The following ERCC1 variants were observed in gnomAD, a reference collection of about 807,000 sequenced individuals.
The protein encoded by ERCC1 is ERCC excision repair 1, endonuclease non-catalytic subunit, also known as DNA excision repair protein ERCC-1.
Under a neutral mutation model 37.6 loss-of-function variants are expected in ERCC1, and 36 were observed. That is an observed-to-expected ratio of 0.96 (90% CI 0.73 to 1.26). ERCC1 has a LOEUF of 1.26. Ranked by LOEUF, ERCC1 falls within the 50% of genes most tolerant of loss-of-function variation. The pLI, the probability that ERCC1 is intolerant of heterozygous loss-of-function variation, is 0.00. For missense variants in ERCC1, 349 were observed against 376.5 expected (o/e 0.93, Z 0.60); for synonymous variants, 156 against 162.1 (o/e 0.96, Z 0.28).
chr19:45,440,281 C>T lies in ERCC1; in HGVS notation c.-7-16900G>A, dbSNP rs980034109. On this transcript the variant is annotated intron_variant, in intron 1 of 8. Transcript: ENST00000423698. ...CCCCCACTGGTACTCATCCGCATCC[C>T]CCAGCCTGTCCTACTCCTGTCCCTA... Among the ~76,000 whole-genome samples, 8 of 152,002 alleles carry T rather than the reference C, an allele frequency of 5.3e-5. No homozygotes were observed. The South Asian group carries it at 1.5e-3, about 28-fold the overall frequency.
At chr19:45,438,219 AT>A (rs907528831) in intron 1 of ERCC1, among the ~76,000 whole-genome samples, 3 of 151,536 alleles carry the variant, frequency 2.0e-5, no homozygotes, top group African/African-American at 7.3e-5. Context: ...CTCTCATCTG[AT>A]TTTTTTTATT....
chr19:45,433,565 G>A (rs1317465368), intron 1 of ERCC1, among the ~76,000 whole-genome samples: 1 of 151,858 alleles, frequency 6.6e-6, no homozygotes, highest in South Asian at 2.1e-4. Flanking sequence ...GTGCACGGAT[G>A]TAATCCCAGC....
chr19:45,430,817 C>T (rs1327736802), intron 1 of ERCC1, among the ~76,000 whole-genome samples: 1 of 151,568 alleles, frequency 6.6e-6, no homozygotes, highest in Non-Finnish European at 1.5e-5. Flanking sequence ...CTTGGGAGGC[C>T]GAGGTGGGAG....
intron 1 of ERCC1, 57 bp from the exon 2 acceptor site, chr19:45,423,438 C>A: frequency 1.3e-6 from 2 of 1,548,170 alleles, no homozygotes; most frequent in South Asian, 2.4e-5. Flanking sequence ...TCTCATCCCG[C>A]AGCAGGAACC....
chr19:45,409,889 A>ATTGTTTTT (rs1184782156), intron 9 of ERCC1, 164 bp from the exon 10 acceptor site: 1 of 237,318 alleles, frequency 4.2e-6, no homozygotes, highest in African/African-American at 4.3e-5. Context: ...TATTATTATT[A>ATTGTTTTT]TTATTATTTT....
intron 1 of ERCC1, among the ~76,000 whole-genome samples, chr19:45,435,252 C>T (rs971114628): frequency 2.0e-5 from 3 of 152,048 alleles, no homozygotes; most frequent in African/African-American, 7.2e-5. Flanking sequence ...CAGGACTATG[C>T]CGCACAGTAA....
rs1325824914 is a variant in ERCC1 at position 45,420,176 on chromosome 19, G to A, written c.425+148C>T. The A allele has an allele frequency of 1.5e-6, 1 of 681,248 alleles. No individual in the cohort carries two copies. Among genetic ancestry groups the A allele is most frequent in the Non-Finnish European group, 2.7e-6 (1 of 372,744 alleles). The allele number at this position is 681,248 out of a possible 1,614,324, so 42.2% of individuals were successfully genotyped here. A position where few individuals can be genotyped will look rare whatever the true frequency, so the allele number is the denominator to read the frequency against. ...GGGCACCTCCAGGCCAAGACCCCCT[G>A]CCTCCAACACAGGGTCCCACCAAGG... On this transcript the variant is annotated intron_variant, in intron 4 of 9. Transcript: ENST00000300853. The surrounding 1 kb of genome is among the most constrained non-coding windows in gnomAD (Gnocchi z 4.8).
chr19:45,434,155 CAAAAAA>C (rs138387403), intron 1 of ERCC1, among the ~76,000 whole-genome samples: 13 of 97,434 alleles, frequency 1.3e-4, no homozygotes, highest in East Asian at 2.4e-4. Context: ...CACACACACA[CAAAAAA>C]AAAAAAAAAA....
At chr19:45,437,610 C>CA (rs1247643786) in intron 1 of ERCC1, among the ~76,000 whole-genome samples, 36 of 152,150 alleles carry the variant, frequency 2.4e-4, no homozygotes, top group Admixed American at 1.9e-3. Flanking sequence ...CACAGAAAGA[C>CA]AAACACCACA....
rs1004869770 is a variant in ERCC1 at position 45,409,712 on chromosome 19, A to G, written c.857T>C (p.Phe286Ser). 1.4e-5 allele frequency: 12 copies of G among 877,840 alleles called. No individual in the cohort carries two copies. The highest frequency in any genetic ancestry group is 2.2e-5 in the Non-Finnish European group (11 of 507,988). The allele number at this position is 877,840 out of a possible 1,614,324, so 54.4% of individuals were successfully genotyped here. The part of the protein sequence containing the change: ...GLGPQKARRL[F>S]DVLHEPFLKV... Reference sequence around the variant, plus strand: ...CAAGAAGGGCTCGTGCAGGACATCAAACAGCCTCCGGGCCTGGATGGGAGG... The same window carrying G: ...CAAGAAGGGCTCGTGCAGGACATCAGACAGCCTCCGGGCCTGGATGGGAGG... Residue 286 changes from phenylalanine to serine, a missense_variant, in exon 10 of 10, where the codon TTT becomes TCT. Phe to Ser is a radical substitution (Grantham distance 155). Coordinates refer to ENST00000300853, the MANE Select transcript of ERCC1 (RefSeq NM_001983.4).
At chr19:45,433,461 G>A (rs1194403060) in intron 1 of ERCC1, among the ~76,000 whole-genome samples, 1 of 152,162 alleles carries the variant, frequency 6.6e-6, no homozygotes. Context: ...GGGAGGTGGA[G>A]GTTGCAGTGA....
intron 1 of ERCC1, among the ~76,000 whole-genome samples, chr19:45,440,544 G>C (rs1311238096): frequency 6.6e-6 from 1 of 152,134 alleles, no homozygotes; most frequent in Non-Finnish European, 1.5e-5. Flanking sequence ...ACTTCAGTCT[G>C]GCCTAGTCTT....
chr19:45,433,462 G>T (rs556055733), intron 1 of ERCC1, among the ~76,000 whole-genome samples: 12 of 151,894 alleles, frequency 7.9e-5, no homozygotes, highest in Admixed American at 2.0e-4. Context: ...GGAGGTGGAG[G>T]TTGCAGTGAG....
intron 1 of ERCC1, chr19:45,436,722 T>A (rs909426619): frequency 1.1e-4 from 17 of 152,174 alleles, no homozygotes; most frequent in African/African-American, 3.9e-4. Flanking sequence ...GGCCTTGACA[T>A]TGCAATCTGC....
intron 1 of ERCC1, among the ~76,000 whole-genome samples, chr19:45,433,793 G>A (rs983622282): frequency 2.6e-5 from 4 of 152,012 alleles, no homozygotes; most frequent in Admixed American, 6.6e-5. Flanking sequence ...AGGAGAGGAC[G>A]AGTGGATGGG....
upstream of ERCC1, among the ~76,000 whole-genome samples, chr19:45,426,938 C>T (rs980570734): frequency 3.0e-4 from 37 of 125,042 alleles, no homozygotes; most frequent in African/African-American, 1.0e-3. Context: ...CCAGCCTGGG[C>T]GACAAAAGCG....
At chr19:45,435,740 G>A (rs774458172) in intron 1 of ERCC1, among the ~76,000 whole-genome samples, 10 of 152,132 alleles carry the variant, frequency 6.6e-5, no homozygotes, top group Admixed American at 3.9e-4. Flanking sequence ...TTACAGGTGT[G>A]AGCCTCCATG....
upstream of ERCC1, among the ~76,000 whole-genome samples, chr19:45,428,046 C>A (rs974465851): frequency 2.8e-4 from 42 of 150,060 alleles, no homozygotes; most frequent in Non-Finnish European, 4.7e-4. Flanking sequence ...TTTCTACCCT[C>A]AGTTTCTTTT....
chr19:45,438,601 C>G (rs1975041691), intron 1 of ERCC1, among the ~76,000 whole-genome samples: 1 of 151,848 alleles, frequency 6.6e-6, no homozygotes, highest in African/African-American at 2.4e-5. Context: ...GCTGGGACTA[C>G]AGGTGTGCAC....
Sources: gnomAD v4.1 joint callset for allele counts (sites outside exome capture counted in the v4.1 genomes callset) on GRCh38, gnomAD v4.1.1 for gene constraint, Gnocchi (gnomAD v3.1) non-coding constraint, MANE v1.5 for transcripts, NCBI Gene and HGNC (gene_info 2026-07-23, HGNC 2026-07-21) for gene names.